RECQL5: variants seen among roughly 807,000 people sequenced by gnomAD.
The protein encoded by RECQL5 is ATP-dependent DNA helicase Q5.
In RECQL5, 88 loss-of-function variants were observed where a neutral mutation model predicts 103.4. The ratio of observed to expected loss-of-function variants is 0.85; its 90% CI spans 0.72 to 1.02. The LOEUF is 1.02. Ranked by LOEUF, RECQL5 falls within the 50% of genes least tolerant of loss-of-function variation. RECQL5 has a pLI of 0.00. For synonymous variants in RECQL5, 552 were observed against 507.9 expected (o/e 1.09, Z -1.17); for missense variants, 1,232 against 1,284.3 (o/e 0.96, Z 0.62).
intron 7 of RECQL5, among the ~76,000 whole-genome samples, chr17:75,654,377 C>T (rs2059591352): frequency 6.6e-6 from 1 of 152,158 alleles, no homozygotes; most frequent in Non-Finnish European, 1.5e-5. Context: ...GACCAGTTTT[C>T]CCTAGGCCTG....
rs761819223 is a variant in RECQL5, at chr17:75,627,059, T to G, written c.*363A>C. 4.6e-6 allele frequency: 2 copies of G among 435,102 alleles called. No homozygotes were observed. The highest frequency in any genetic ancestry group is 1.3e-4 in the East Asian group (2 of 15,236). The allele number at this position is 435,102 out of a possible 1,614,324, so 27.0% of individuals were successfully genotyped here. ...AGGATCTGAGGGTCCCCTGGGTAGG[T>G]TCCGATACCTTGGACAGGTGGGCCT... On this transcript the variant is annotated 3_prime_UTR_variant, in exon 20 of 20. Transcript: ENST00000317905.
At chr17:75,635,871 T>C in intron 8 of RECQL5, 3 of 985,204 alleles carry the variant, frequency 3.0e-6, no homozygotes, top group Non-Finnish European at 3.6e-6. Context: ...GGGGTTGGAG[T>C]ATCAGCTCTG....
In RECQL5 at chr17:75,629,151, G is replaced by A. The variant is rs114006902; in HGVS notation, c.2272C>T (p.His758Tyr). 1.4e-3 allele frequency: 2,232 copies of A among 1,613,844 alleles called. 32 individuals carry two copies. The African/African-American group carries it at 0.027, about 19-fold the overall frequency. Residue 758 changes from histidine (H) to tyrosine (Y), a missense_variant, in exon 16 of 20, where the codon CAC becomes TAC. Coordinates refer to ENST00000317905, the MANE Select transcript of RECQL5 (RefSeq NM_004259.7). ...KKQQLLATAAHKDSQSIARFF... is the reference protein window; with the variant it reads ...KKQQLLATAAYKDSQSIARFF... ...CGGGCGATGCTCTGAGAATCCTTGT[G>A]GGCCGCTGTGGCTAGGAGCTGCTGT...
chr17:75,654,809 T>C (rs1366499236), intron 7 of RECQL5, among the ~76,000 whole-genome samples: 2 of 151,994 alleles, frequency 1.3e-5, no homozygotes, highest in Non-Finnish European at 2.9e-5. Flanking sequence ...TTATTAGTTT[T>C]TGAAACAGGG....
chr17:75,650,652 A>G (rs748516474), intron 8 of RECQL5: 4 of 1,614,020 alleles, frequency 2.5e-6, no homozygotes, highest in Non-Finnish European at 3.4e-6. Context: ...ACAGCTCCGC[A>G]TGCCTGGACA....
At chr17:75,664,954 T>G (rs371340510) in intron 3 of RECQL5, 97 bp downstream of exon 3, 18 of 1,164,044 alleles carry the variant, frequency 1.5e-5, no homozygotes, top group Middle Eastern at 2.8e-4. Flanking sequence ...GAAAAGAAAA[T>G]AAGAGGCAAA....
rs756038395 is a variant in RECQL5, at chr17:75,665,027, C to G, written c.252+24G>C. 7.9e-6 allele frequency: 12 copies of G among 1,522,874 alleles called. No homozygotes were observed. The South Asian group carries it at 1.5e-4, about 19-fold the overall frequency. 94.3% of individuals were successfully genotyped at this position (1,522,874 alleles called of 1,614,324 possible). On this transcript the variant is annotated intron_variant, in intron 3 of 19. Coordinates refer to ENST00000317905, the MANE Select transcript of RECQL5 (RefSeq NM_004259.7). ...CCTTCCCCGAATCTTTTTGGGCTACCATCTTCATTGCCCTAAGCCTCACCT... is the reference window on the plus strand; with the variant it reads ...CCTTCCCCGAATCTTTTTGGGCTACGATCTTCATTGCCCTAAGCCTCACCT...
chr17:75,656,442 A>G (rs1373925836), intron 7 of RECQL5, among the ~76,000 whole-genome samples: 1 of 152,046 alleles, frequency 6.6e-6, no homozygotes, highest in Non-Finnish European at 1.5e-5. Flanking sequence ...TAAGTATTTT[A>G]TAAGTTTTAT....
rs371629061 is a variant in RECQL5, at chr17:75,631,224, C to T, written c.1474G>A (p.Gly492Arg). ...SRYDEGSGGS[G>R]DEGRDEAHKR... ...TGGGCCTCATCTCTGCCTTCATCCC[C>T]GCTGCCTCCAGAACCTTCGTCATAC... Residue 492 changes from glycine to arginine, a missense_variant, in exon 10 of 20, where the codon GGG becomes AGG. Physicochemically the swap from Gly to Arg is moderately radical, Grantham distance 125. Coordinates refer to ENST00000317905, the MANE Select transcript of RECQL5 (RefSeq NM_004259.7). 32 of 1,613,808 alleles carry T rather than the reference C, an allele frequency of 2.0e-5. No individual in the cohort carries two copies. The highest frequency in any genetic ancestry group is 8.0e-5 in the African/African-American group (6 of 74,950).
chr17:75,631,322 C>CA, intron 9 of RECQL5, 73 bp from the exon 10 acceptor site: 1 of 1,555,028 alleles, frequency 6.4e-7, no homozygotes, highest in African/African-American at 1.4e-5. Context: ...GCTAGAACGG[C>CA]AATGTCCCTG....
intron 2 of RECQL5, among the ~76,000 whole-genome samples, chr17:75,665,484 G>GT (rs2059758391): frequency 1.3e-5 from 2 of 152,162 alleles, no homozygotes; most frequent in Non-Finnish European, 1.5e-5. Flanking sequence ...GAGGGCAAGA[G>GT]TTTGAGACCA....
At chr17:75,633,585 C>G in intron 8 of RECQL5, 1 of 1,243,580 alleles carries the variant, frequency 8.0e-7, no homozygotes, top group Non-Finnish European at 1.0e-6. Context: ...GGACTGGTTG[C>G]AAAGCCTCCT....
At position 75,628,961 on chromosome 17, in the gene RECQL5, G is replaced by A; in HGVS notation, c.2462C>T (p.Thr821Ile). 6.4e-7 allele frequency: 1 copy of A among 1,570,096 alleles called. No homozygotes were observed. Among genetic ancestry groups the A allele is most frequent in the East Asian group, 2.2e-5 (1 of 44,446 alleles). Residue 821 changes from threonine (T) to isoleucine (I), a missense_variant, in exon 16 of 20, where the codon ACT (threonine) becomes ATT (isoleucine). Thr to Ile is a moderately conservative substitution (Grantham distance 89). Transcript: ENST00000317905. ...AGGHSPAPPQ[T>I]EECLRERPST... ...TGGCCTCTCCCTGAGGCACTCCTCA[G>A]TCTGGGGAGGGGCAGGCGAATGTCC...
chr17:75,629,080 G>A lies in RECQL5; in HGVS notation c.2343C>T (p.Ala781=). ...AGGGGCAGGCACCTTCTGCCTCTGG[G>A]GCTGATGCCAGCAGAGCTGGGCTTT... ...RVESPALLAS[A]PEAEGACPSC... Residue 781 remains alanine, a synonymous_variant, in exon 16 of 20, where the codon GCC becomes GCT. Coordinates refer to ENST00000317905, the MANE Select transcript of RECQL5 (RefSeq NM_004259.7). 6.2e-7 allele frequency: 1 copy of A among 1,613,186 alleles called. No homozygotes were observed. The highest frequency in any genetic ancestry group is 8.5e-7 in the Non-Finnish European group (1 of 1,179,762).
chr17:75,666,970 C>T, intron 1 of RECQL5, 74 bp downstream of exon 1: 1 of 251,576 alleles, frequency 4.0e-6, no homozygotes, highest in South Asian at 4.6e-5. Flanking sequence ...CCCCTTCTCC[C>T]GTCTTCCTGA....
intron 12 of RECQL5, 33 bp from the exon 13 acceptor site, chr17:75,630,725 C>T (rs781520707): frequency 1.2e-6 from 2 of 1,608,236 alleles, no homozygotes; most frequent in Non-Finnish European, 1.7e-6. Context: ...GTCGCATGGC[C>T]TCGCGGCTGG....
chr17:75,663,825 C>T (rs1188262371), intron 3 of RECQL5, among the ~76,000 whole-genome samples: 2 of 152,000 alleles, frequency 1.3e-5, no homozygotes, highest in Non-Finnish European at 2.9e-5. Flanking sequence ...GAGGCTGAGG[C>T]GGGCAGATCA....
intron 8 of RECQL5, among the ~76,000 whole-genome samples, chr17:75,643,483 C>T (rs2059456332): frequency 1.3e-5 from 2 of 152,262 alleles, no homozygotes; most frequent in Admixed American, 1.3e-4. Context: ...AACTGGCACA[C>T]ACCAGGCCCG....
At chr17:75,656,826 G>A (rs1443332777) in intron 7 of RECQL5, among the ~76,000 whole-genome samples, 1 of 147,798 alleles carries the variant, frequency 6.8e-6, no homozygotes, top group Non-Finnish European at 1.5e-5. Flanking sequence ...CTCACTGCAA[G>A]CTCTGCCTCC....
Sources: gnomAD v4.1 joint callset for allele counts (sites outside exome capture counted in the v4.1 genomes callset) on GRCh38, gnomAD v4.1.1 for gene constraint, MANE v1.5 for transcripts, NCBI Gene and HGNC (gene_info 2026-07-23, HGNC 2026-07-21) for gene names.